ADRA1A: variants seen among roughly 807,000 people sequenced by gnomAD.
ADRA1A encodes alpha-1A adrenergic receptor.
ADRA1A carries 31 observed loss-of-function variants against 29.6 expected under a neutral mutation model. The ratio of observed to expected loss-of-function variants is 1.05; its 90% CI spans 0.79 to 1.41. The LOEUF (loss-of-function observed/expected upper bound fraction) is 1.41. ADRA1A is among the 40% of genes most tolerant of loss of function. The pLI, the probability that ADRA1A is intolerant of heterozygous loss-of-function variation, is 0.00. For synonymous variants in ADRA1A, 311 were observed against 254.3 expected, an observed-to-expected ratio of 1.22 and a Z score of -2.12; for missense variants, 619 against 601.1, an observed-to-expected ratio of 1.03 and a Z score of -0.31.
rs566317261 is a variant in ADRA1A at position 26,824,867 on chromosome 8, C to T, written c.883+39220G>A. The stretch of plus-strand genomic sequence containing the variant: ...CAGGTAGAAATCATGTTAAATGAGC[C>T]CATCTTTATTCCTGGAAGAAAAGAC... On this transcript the variant is annotated intron_variant, in intron 2 of 2. Coordinates refer to ENST00000380573, the MANE Select transcript of ADRA1A (RefSeq NM_000680.4). Among the ~76,000 whole-genome samples, 3 of 152,244 alleles carry T rather than the reference C, an allele frequency of 2.0e-5. No individual in the cohort carries two copies. The East Asian group carries it at 5.8e-4, about 29-fold the overall frequency.
chr8:26,857,232 C>T (rs1813113953), intron 2 of ADRA1A, among the ~76,000 whole-genome samples: 1 of 152,142 alleles, frequency 6.6e-6, no homozygotes, highest in Non-Finnish European at 1.5e-5. Context: ...TCACAGCCAG[C>T]TTCAATTGCC....
intron 2 of ADRA1A, among the ~76,000 whole-genome samples, chr8:26,840,236 G>A (rs1266525179): frequency 2.6e-5 from 4 of 152,234 alleles, no homozygotes; most frequent in African/African-American, 9.6e-5. Context: ...TTGACTTTGA[G>A]AGGATGGGAG....
At chr8:26,843,624 C>T (rs1271423102) in intron 2 of ADRA1A, among the ~76,000 whole-genome samples, 1 of 152,060 alleles carries the variant, frequency 6.6e-6, no homozygotes, top group East Asian at 1.9e-4. Flanking sequence ...GATAAAAATA[C>T]CTCCTCATCA....
intron 2 of ADRA1A, among the ~76,000 whole-genome samples, chr8:26,853,229 T>A (rs1812764750): frequency 6.6e-6 from 1 of 152,178 alleles, no homozygotes; most frequent in African/African-American, 2.4e-5. Flanking sequence ...CTAAAACCAA[T>A]GGACAGTGTC....
intron 2 of ADRA1A, among the ~76,000 whole-genome samples, chr8:26,814,381 C>T (rs1403965929): frequency 6.6e-6 from 1 of 152,164 alleles, no homozygotes; most frequent in African/African-American, 2.4e-5. Context: ...GTAGTAGGGA[C>T]TGCAGAATAG....
intron 2 of ADRA1A, among the ~76,000 whole-genome samples, chr8:26,780,232 G>A (rs1312658003): frequency 6.6e-6 from 1 of 151,602 alleles, no homozygotes; most frequent in Non-Finnish European, 1.5e-5. Context: ...AGATACTGGA[G>A]GTAGAATGGT....
intron 2 of ADRA1A, among the ~76,000 whole-genome samples, chr8:26,835,666 T>C (rs559695305): frequency 1.3e-5 from 2 of 152,144 alleles, no homozygotes; most frequent in Non-Finnish European, 2.9e-5. Flanking sequence ...ATGGGAATTA[T>C]GGGAACTACA....
intron 2 of ADRA1A, among the ~76,000 whole-genome samples, chr8:26,829,425 A>T (rs1463970856): frequency 6.6e-6 from 1 of 152,198 alleles, no homozygotes; most frequent in Non-Finnish European, 1.5e-5. Flanking sequence ...CTTAAAGCAA[A>T]GATATGGCAA....
rs1433675783 is a variant in ADRA1A at position 26,831,464 on chromosome 8, GC to G, written c.883+32622del. Among the ~76,000 whole-genome samples, 3 of 152,092 alleles carry G rather than the reference GC, an allele frequency of 2.0e-5. No individual in the cohort carries two copies. The highest frequency in any genetic ancestry group is 4.4e-5 in the Non-Finnish European group (3 of 68,024). On this transcript the variant is annotated intron_variant, in intron 2 of 2. Transcript: ENST00000380573. This position sits in a 1 kb window ranked among gnomAD's most constrained non-coding sequence, Gnocchi z 5.2. The stretch of plus-strand genomic sequence containing the variant: ...ACTGATACTGAGCTCTGCTGGGATT[GC>G]CCAGTACCAACCCCCTGCCCACACC...
At chr8:26,801,869 C>T (rs1440596049) in intron 2 of ADRA1A, among the ~76,000 whole-genome samples, 2 of 152,130 alleles carry the variant, frequency 1.3e-5, no homozygotes, top group African/African-American at 4.8e-5. Flanking sequence ...GTAACCATAA[C>T]AACATGGTAC....
chr8:26,806,121 A>G lies in ADRA1A; in HGVS notation c.884-35455T>C, dbSNP rs1808963941. Among the ~76,000 whole-genome samples the G allele has an allele frequency of 6.6e-6, 1 of 151,732 alleles. No homozygotes were observed. Among genetic ancestry groups the G allele is most frequent in the South Asian group, 2.1e-4 (1 of 4,822 alleles). On this transcript the variant is annotated intron_variant, in intron 2 of 2. Transcript: ENST00000380573. This position sits in a 1 kb window ranked among gnomAD's most constrained non-coding sequence, Gnocchi z 4.6. Reference sequence around the variant, plus strand: ...AATGACCGAACTCCCGAATGTTCCCATTCTGTCCTGCCTCTCTTTTCCCCT... The same window carrying G: ...AATGACCGAACTCCCGAATGTTCCCGTTCTGTCCTGCCTCTCTTTTCCCCT...
chr8:26,858,889 C>A, intron 2 of ADRA1A: 1 of 303,966 alleles, frequency 3.3e-6, no homozygotes, highest in African/African-American at 2.2e-5. Flanking sequence ...GACTTGGAAG[C>A]AGGCAAGTCA....
chr8:26,832,286 T>C (rs968083740), intron 2 of ADRA1A, among the ~76,000 whole-genome samples: 2 of 152,134 alleles, frequency 1.3e-5, no homozygotes, highest in African/African-American at 2.4e-5. Context: ...GGCAACATCG[T>C]TAAAATTGCA....
chr8:26,762,174 A>G (rs1303759657), downstream of ADRA1A, among the ~76,000 whole-genome samples: 1 of 152,166 alleles, frequency 6.6e-6, no homozygotes, highest in Non-Finnish European at 1.5e-5. This position sits in a 1 kb window ranked among gnomAD's most constrained non-coding sequence, Gnocchi z 4.0. Flanking sequence ...AGAGAGTGGT[A>G]AGAGGTGCAC....
chr8:26,756,443 G>T (rs752431888), exon 3 of ADRA1A: 188 of 1,414,838 alleles, frequency 1.3e-4, no homozygotes, highest in Non-Finnish European at 1.7e-4. Context: ...TTTTAAGAAT[G>T]AAATGGGGGA....
chr8:26,801,210 C>T (rs1037673098), intron 2 of ADRA1A, among the ~76,000 whole-genome samples: 1 of 152,054 alleles, frequency 6.6e-6, no homozygotes, highest in African/African-American at 2.4e-5. Context: ...CCTCTAAGTT[C>T]TAGAACAAGA....
chr8:26,822,198 G>C (rs1220498560), intron 2 of ADRA1A, among the ~76,000 whole-genome samples: 1 of 152,208 alleles, frequency 6.6e-6, no homozygotes. Context: ...TCGTGGTTGA[G>C]AGAGAAAACT....
At chr8:26,801,897 TA>T (rs1396908037) in intron 2 of ADRA1A, among the ~76,000 whole-genome samples, 2 of 152,010 alleles carry the variant, frequency 1.3e-5, no homozygotes, top group African/African-American at 4.8e-5. Context: ...AAAACAGACA[TA>T]CAGACAAACA....
At chr8:26,819,847 A>T (rs982495040) in intron 2 of ADRA1A, among the ~76,000 whole-genome samples, 1 of 152,192 alleles carries the variant, frequency 6.6e-6, no homozygotes, top group African/African-American at 2.4e-5. Context: ...ATCCAAAAAC[A>T]TGCTGCCTAG....
Sources: gnomAD v4.1 joint callset for allele counts (sites outside exome capture counted in the v4.1 genomes callset) on GRCh38, gnomAD v4.1.1 for gene constraint, Gnocchi (gnomAD v3.1) non-coding constraint, MANE v1.5 for transcripts, NCBI Gene and HGNC (gene_info 2026-07-23, HGNC 2026-07-21) for gene names.